MYRF: variants seen among roughly 807,000 people sequenced by gnomAD.
MYRF encodes myelin regulatory factor, also known as myelin gene regulatory factor.
A neutral mutation model predicts 126.3 loss-of-function variants in MYRF; 16 were observed. The ratio of observed to expected loss-of-function variants is 0.13; its 90% CI spans 0.09 to 0.19. The LOEUF (loss-of-function observed/expected upper bound fraction) is 0.19. Among genes scored for constraint, MYRF ranks in the 10% least tolerant of loss-of-function variants. MYRF has a pLI of 1.00. For synonymous variants in MYRF, 608 were observed against 635.3 expected, an observed-to-expected ratio of 0.96 and a Z score of 0.65; for missense variants, 1,104 against 1,547.0, an observed-to-expected ratio of 0.71 and a Z score of 4.80.
Position 61,783,464 on chromosome 11 carries a change from G to T in MYRF, c.3017-34G>T, listed in dbSNP as rs776858843. The T allele has an allele frequency of 6.5e-7, 1 of 1,544,008 alleles. No homozygotes were observed. Among genetic ancestry groups the T allele is most frequent in the Non-Finnish European group, 8.9e-7 (1 of 1,118,926 alleles). The stretch of plus-strand genomic sequence containing the variant: ...AAAGACTTGCCAGCTTCTCATTTGT[G>T]TCCTGCCTTGTCACCTTACTCCTGC... On this transcript the variant is annotated intron_variant, in intron 22 of 26. Coordinates refer to ENST00000278836, the MANE Select transcript of MYRF (RefSeq NM_001127392.3). The surrounding 1 kb of genome is among the most constrained non-coding windows in gnomAD (Gnocchi z 4.6).
intron 18 of MYRF, 148 bp downstream of exon 18, chr11:61,780,438 G>A: frequency 1.3e-6 from 1 of 762,802 alleles, no homozygotes; most frequent in Non-Finnish European, 2.1e-6. Context: ...TCCAGGGAGG[G>A]CCTCCTTGGA....
rs1246951157 is a variant in MYRF at position 61,780,298 on chromosome 11, C to T, written c.2405+8C>T. 1.9e-6 allele frequency: 3 copies of T among 1,609,328 alleles called. No individual in the cohort carries two copies. In the East Asian group the frequency reaches 6.7e-5, roughly 36 times the overall value. On this transcript the variant is annotated splice_region_variant and intron_variant, in intron 18 of 26. Transcript: ENST00000278836. ...CCTGGTAGACACTGATGGGTAGGTT[C>T]CTGGAGGCCAAGCCAAGCTGCCAGG...
At chr11:61,764,659 A>T (rs1236702908) in intron 1 of MYRF, among the ~76,000 whole-genome samples, 1 of 152,048 alleles carries the variant, frequency 6.6e-6, no homozygotes, top group Non-Finnish European at 1.5e-5. Context: ...CGCATCTCCC[A>T]CGTCAGCCCC....
At chr11:61,779,471 C>G in intron 15 of MYRF, 27 bp from the exon 16 acceptor site, 1 of 1,538,934 alleles carries the variant, frequency 6.5e-7, no homozygotes, top group Non-Finnish European at 8.8e-7. Context: ...CCCAGGGACA[C>G]CCCTGATCCT....
Position 61,771,674 on chromosome 11 carries a change from G to A in MYRF, c.915G>A (p.Pro305=), listed in dbSNP as rs778037643. The A allele has an allele frequency of 2.9e-5, 47 of 1,613,678 alleles. No individual in the cohort carries two copies. Among genetic ancestry groups the A allele is most frequent in the Non-Finnish European group, 3.6e-5 (42 of 1,179,996 alleles). Residue 305 remains proline (P), a synonymous_variant, in exon 6 of 27, where the codon CCG becomes CCA. Transcript: ENST00000278836. The part of the protein sequence containing the change: ...PPWPPQGPLS[P]GPGSLPLSIA... ...GGCCTCCCCAGGGTCCGCTCTCCCC[G>A]GGCCCTGGTTCCTTGCCTCTCAGCA...
At chr11:61,770,970 A>G (rs1331520246) in intron 5 of MYRF, among the ~76,000 whole-genome samples, 3 of 152,220 alleles carry the variant, frequency 2.0e-5, no homozygotes, top group Non-Finnish European at 4.4e-5. Flanking sequence ...CATCTGTTTT[A>G]CATGTGGAGA....
rs1591133971 is a variant in MYRF at position 61,784,152 on chromosome 11, G to A, written c.3195-128G>A. 1.9e-5 allele frequency: 19 copies of A among 1,018,428 alleles called. No individual in the cohort carries two copies. The South Asian group carries it at 2.8e-4, about 15-fold the overall frequency. The allele number at this position is 1,018,428 out of a possible 1,614,324, so 63.1% of individuals were successfully genotyped here. On this transcript the variant is annotated intron_variant, in intron 24 of 26. Transcript: ENST00000278836. Reference sequence around the variant, plus strand: ...GTCGATGGGAAAGGTTTTGTTCGAGGGCCCTGGTTATTATGCGGTGTTTCA... The same window carrying A: ...GTCGATGGGAAAGGTTTTGTTCGAGAGCCCTGGTTATTATGCGGTGTTTCA...
Position 61,757,400 on chromosome 11 carries a change from C to T in MYRF, c.46+4610C>T, listed in dbSNP as rs775302734. The T allele has an allele frequency of 6.6e-6, 3 of 451,668 alleles. No individual in the cohort carries two copies. The highest frequency in any genetic ancestry group is 9.0e-6 in the Non-Finnish European group (2 of 223,258). The allele number at this position is 451,668 out of a possible 1,614,324, so 28.0% of individuals were successfully genotyped here. ...GAGTGCAGTTGTAATGGCAGGGCCT[C>T]CGTCCCAGGGTTTCTGGGGTGATTA... On this transcript the variant is annotated intron_variant, in intron 1 of 26. Coordinates refer to ENST00000278836, the MANE Select transcript of MYRF (RefSeq NM_001127392.3). The surrounding 1 kb of genome is among the most constrained non-coding windows in gnomAD (Gnocchi z 4.7).
chr11:61,780,893 G>T (rs1394907551), intron 19 of MYRF, 67 bp from the exon 20 acceptor site: 2 of 1,595,436 alleles, frequency 1.3e-6, no homozygotes, highest in African/African-American at 2.7e-5. Flanking sequence ...GCCTCTCCAG[G>T]ACTGTCAGGC....
At chr11:61,767,170 G>A in intron 3 of MYRF, 2 of 456,756 alleles carry the variant, frequency 4.4e-6, no homozygotes, top group Non-Finnish European at 8.8e-6. Context: ...GTGGAGGCCA[G>A]GCTTGGGGTG....
rs530157902 is a variant in MYRF at position 61,773,911 on chromosome 11, G to A, written c.1116-56G>A. On this transcript the variant is annotated intron_variant, in intron 7 of 26. Coordinates refer to ENST00000278836, the MANE Select transcript of MYRF (RefSeq NM_001127392.3). ...TGGAACCCAGCAGGTAGGAGGAACCGATGTTCCAGGCCCGGCTCTGGGGCC... is the reference window on the plus strand; with the variant it reads ...TGGAACCCAGCAGGTAGGAGGAACCAATGTTCCAGGCCCGGCTCTGGGGCC... 1,989 of 1,481,850 alleles carry A rather than the reference G, an allele frequency of 1.3e-3. 4 individuals carry two copies. Among genetic ancestry groups the A allele is most frequent in the Non-Finnish European group, 1.5e-3 (1,643 of 1,092,952 alleles). The allele number at this position is 1,481,850 out of a possible 1,614,324, so 91.8% of individuals were successfully genotyped here. A position where few individuals can be genotyped will look rare whatever the true frequency, so the allele number is the denominator to read the frequency against.
At chr11:61,767,371 A>T in intron 3 of MYRF, 2 of 456,660 alleles carry the variant, frequency 4.4e-6, no homozygotes, top group Non-Finnish European at 8.8e-6. Context: ...AGCTCCTGGG[A>T]GACCCCACAA....
At chr11:61,764,781 A>G (rs2066005227) in intron 1 of MYRF, among the ~76,000 whole-genome samples, 2 of 152,126 alleles carry the variant, frequency 1.3e-5, no homozygotes, top group African/African-American at 4.8e-5. Flanking sequence ...CCTTTCCTCT[A>G]GGGGCCCCTC....
intron 6 of MYRF, 29 bp downstream of exon 6, chr11:61,771,779 G>T (rs1008462096): frequency 2.5e-6 from 4 of 1,613,102 alleles, no homozygotes; most frequent in Non-Finnish European, 3.4e-6. Context: ...CTTCAAGGTG[G>T]GGTGTGGGAC....
chr11:61,774,713 C>T (rs983679858), intron 8 of MYRF, among the ~76,000 whole-genome samples: 1 of 151,492 alleles, frequency 6.6e-6, no homozygotes, highest in Admixed American at 6.6e-5. Context: ...CTCCCTGCCT[C>T]CCTTTCGCCC....
At chr11:61,752,839 C>T (rs774978275) in intron 1 of MYRF, 49 bp downstream of exon 1, 8 of 1,459,720 alleles carry the variant, frequency 5.5e-6, no homozygotes, top group African/African-American at 4.4e-5. Flanking sequence ...CTGGGAACCC[C>T]CGGCTGATCT....
chr11:61,760,995 G>T (rs954651449), intron 1 of MYRF, among the ~76,000 whole-genome samples: 2 of 152,204 alleles, frequency 1.3e-5, no homozygotes, highest in Admixed American at 6.5e-5. Context: ...TGGGGTTGTC[G>T]GAAATAGGCC....
In MYRF at chr11:61,777,340, A is replaced by T; in HGVS notation, c.1667A>T (p.His556Leu). Residue 556 changes from histidine (H) to leucine (L), a missense_variant, in exon 12 of 27, where the codon CAC (histidine) becomes CTC (leucine). By Grantham distance (99) the His-to-Leu change is moderately conservative. Transcript: ENST00000278836. This position sits in a 1 kb window ranked among gnomAD's most constrained non-coding sequence, Gnocchi z 8.8. The stretch of plus-strand genomic sequence containing the variant: ...GCACAGGTGCCCGACACCGTCTTCC[A>T]CCACGGCCGCGTGGGCATCAACACA... ...QRAQVPDTVF[H>L]HGRVGINTDR... 6.2e-7 allele frequency: 1 copy of T among 1,613,618 alleles called. No homozygotes were observed. Among genetic ancestry groups the T allele is most frequent in the Non-Finnish European group, 8.5e-7 (1 of 1,180,016 alleles).
rs2066524749 is a variant in MYRF, at chr11:61,780,954, C to T, written c.2487-6C>T. Reference sequence around the variant, plus strand: ...CCTCTGAGCTCAGCCCATCCTTCCCCAGCAGGTCCAGCCAGAGCTTTGGGA... The same window carrying T: ...CCTCTGAGCTCAGCCCATCCTTCCCTAGCAGGTCCAGCCAGAGCTTTGGGA... On this transcript the variant is annotated splice_region_variant and splice_polypyrimidine_tract_variant and intron_variant, in intron 19 of 26. Transcript: ENST00000278836. 6 of 1,609,538 alleles carry T rather than the reference C, an allele frequency of 3.7e-6. No individual in the cohort carries two copies. Among genetic ancestry groups the T allele is most frequent in the Non-Finnish European group, 5.1e-6 (6 of 1,179,948 alleles).
Sources: gnomAD v4.1 joint callset for allele counts (sites outside exome capture counted in the v4.1 genomes callset) on GRCh38, gnomAD v4.1.1 for gene constraint, Gnocchi (gnomAD v3.1) non-coding constraint, MANE v1.5 for transcripts, NCBI Gene and HGNC (gene_info 2026-07-23, HGNC 2026-07-21) for gene names.